The following RIC1 variants were observed in gnomAD, a reference collection of about 807,000 sequenced individuals.
RIC1 encodes the protein RIC1 partner of RAB6A GEF complex.
A neutral mutation model predicts 169.0 loss-of-function variants in RIC1; 88 were observed. The observed-to-expected ratio is 0.52, with a 90% CI of 0.44 to 0.62. The LOEUF is 0.62. Ranked by LOEUF, RIC1 falls within the 20% of genes least tolerant of loss-of-function variation. The pLI is 0.00. For synonymous variants in RIC1, 790 were observed against 601.5 expected, an observed-to-expected ratio of 1.31 and a Z score of -4.59; for missense variants, 1,877 against 1,725.5, an observed-to-expected ratio of 1.09 and a Z score of -1.56.
At chr9:5,646,595 G>A (rs1818526929) in intron 1 of RIC1, among the ~76,000 whole-genome samples, 1 of 152,148 alleles carries the variant, frequency 6.6e-6, no homozygotes, top group Admixed American at 6.5e-5. Context: ...GAGCAATAGG[G>A]TATACCTTAT....
intron 2 of RIC1, among the ~76,000 whole-genome samples, chr9:5,675,093 G>C (rs1320132329): frequency 5.9e-5 from 9 of 152,212 alleles, no homozygotes; most frequent in Non-Finnish European, 5.9e-5. Flanking sequence ...GAGGGGAAGG[G>C]GTTCTTATCC....
intron 1 of RIC1, among the ~76,000 whole-genome samples, chr9:5,632,402 C>T (rs1817760753): frequency 6.6e-6 from 1 of 152,214 alleles, no homozygotes; most frequent in Non-Finnish European, 1.5e-5. Context: ...CTTATACCTA[C>T]TGTCCTCTAT....
At position 5,774,201 on chromosome 9, in the gene RIC1, G is replaced by C. The variant is rs754997905; in HGVS notation, c.4227G>C (p.Glu1409Asp). The change falls in exon 26 of 26, where the codon GAG becomes GAC. Residue 1409 changes from glutamate (E) to aspartate (D), a missense_variant. Glu to Asp is a conservative substitution (Grantham distance 45, BLOSUM62 2). Transcript: ENST00000414202. ...RKEEDTAQAE[E>D]EEPFQDGTYD... is the part of the protein sequence containing the mutation. The stretch of plus-strand genomic sequence containing the variant: ...AGGAGGACACAGCCCAAGCAGAGGA[G>C]GAAGAACCTTTTCAGGATGGGACTT... 6.2e-6 allele frequency: 10 copies of C among 1,613,610 alleles called. No individual in the cohort carries two copies. The highest frequency in any genetic ancestry group is 1.6e-4 in the Middle Eastern group (1 of 6,076).
At chr9:5,769,835 T>TAATA (rs1205124924) in intron 22 of RIC1, among the ~76,000 whole-genome samples, 1 of 152,202 alleles carries the variant, frequency 6.6e-6, no homozygotes, top group African/African-American at 2.4e-5. Flanking sequence ...AAGATCAACA[T>TAATA]AATAAAGTTT....
At chr9:5,737,926 C>T (rs1256672496) in intron 7 of RIC1, among the ~76,000 whole-genome samples, 2 of 151,796 alleles carry the variant, frequency 1.3e-5, no homozygotes, top group East Asian at 1.9e-4. Context: ...TCATTGTCAC[C>T]GTGTTCATGT....
At chr9:5,669,716 C>A (rs2760413) in intron 2 of RIC1, among the ~76,000 whole-genome samples, 2 of 152,026 alleles carry the variant, frequency 1.3e-5, no homozygotes, top group African/African-American at 2.4e-5. Flanking sequence ...CTTGCAGTGG[C>A]AAAGAGAGAT....
chr9:5,670,188 G>A (rs2130558384), intron 2 of RIC1, among the ~76,000 whole-genome samples: 1 of 152,320 alleles, frequency 6.6e-6, no homozygotes, highest in South Asian at 2.1e-4. Flanking sequence ...CAGATGTCTT[G>A]TGGGAAAAAT....
At chr9:5,712,210 T>C (rs1291897171) in intron 3 of RIC1, among the ~76,000 whole-genome samples, 1 of 152,314 alleles carries the variant, frequency 6.6e-6, no homozygotes, top group Non-Finnish European at 1.5e-5. Flanking sequence ...AAAGTGTTCC[T>C]ATTTCTTCAC....
intron 17 of RIC1, among the ~76,000 whole-genome samples, chr9:5,758,213 T>G (rs1175213577): frequency 6.6e-6 from 1 of 152,164 alleles, no homozygotes; most frequent in Non-Finnish European, 1.5e-5. Flanking sequence ...TCCCGTAGTT[T>G]CTGGGTAAAG....
intron 2 of RIC1, among the ~76,000 whole-genome samples, chr9:5,661,972 A>T (rs1267113990): frequency 6.6e-6 from 1 of 152,142 alleles, no homozygotes; most frequent in Non-Finnish European, 1.5e-5. Flanking sequence ...TGGGTTTGTC[A>T]TATATGACTC....
chr9:5,633,478 C>T (rs755383562), intron 1 of RIC1, among the ~76,000 whole-genome samples: 18 of 152,172 alleles, frequency 1.2e-4, no homozygotes, highest in Non-Finnish European at 2.4e-4. Flanking sequence ...ATTATCTATC[C>T]TTTAACTGCT....
intron 1 of RIC1, among the ~76,000 whole-genome samples, chr9:5,639,929 T>G (rs1441435404): frequency 6.6e-6 from 1 of 152,242 alleles, no homozygotes; most frequent in African/African-American, 2.4e-5. Context: ...TAATATCTTT[T>G]TCATCCCCTT....
intron 1 of RIC1, among the ~76,000 whole-genome samples, chr9:5,639,871 G>C (rs1818155288): frequency 6.6e-6 from 1 of 152,014 alleles, no homozygotes; most frequent in South Asian, 2.1e-4. Flanking sequence ...AATCTATTTT[G>C]TCAGTATTTA....
intron 3 of RIC1, among the ~76,000 whole-genome samples, chr9:5,704,538 T>C (rs1335798018): frequency 6.6e-6 from 1 of 152,210 alleles, no homozygotes; most frequent in East Asian, 1.9e-4. Flanking sequence ...TTGGTTTGTT[T>C]ATCTTTGAGT....
At chr9:5,651,390 T>G (rs1818792675) in intron 1 of RIC1, among the ~76,000 whole-genome samples, 1 of 151,896 alleles carries the variant, frequency 6.6e-6, no homozygotes, top group African/African-American at 2.4e-5. Context: ...AGGGCTGATG[T>G]CTCTAGTCAG....
At chr9:5,635,113 G>A (rs972088381) in intron 1 of RIC1, among the ~76,000 whole-genome samples, 7 of 152,076 alleles carry the variant, frequency 4.6e-5, no homozygotes, top group Non-Finnish European at 1.0e-4. Context: ...TTAGCATCCT[G>A]AGTAGCTGGG....
intron 16 of RIC1, 95 bp from the exon 17 acceptor site, chr9:5,757,218 C>T: frequency 7.2e-7 from 1 of 1,394,342 alleles, no homozygotes; most frequent in Non-Finnish European, 1.0e-6. Flanking sequence ...CTGAGTCTTC[C>T]ATAAGCATGA....
intron 17 of RIC1, 66 bp downstream of exon 17, chr9:5,757,517 A>T: frequency 6.5e-7 from 1 of 1,547,290 alleles, no homozygotes; most frequent in Admixed American, 1.7e-5. Flanking sequence ...AGTCCATATT[A>T]GGAAGTATTT....
chr9:5,638,977 G>A (rs114984407), intron 1 of RIC1, among the ~76,000 whole-genome samples: 4 of 152,210 alleles, frequency 2.6e-5, no homozygotes, highest in African/African-American at 9.6e-5. Flanking sequence ...GTGCAGTGGT[G>A]CAATCTCGTC....
Sources: gnomAD v4.1 joint callset for allele counts (sites outside exome capture counted in the v4.1 genomes callset) on GRCh38, gnomAD v4.1.1 for gene constraint, MANE v1.5 for transcripts, NCBI Gene and HGNC (gene_info 2026-07-23, HGNC 2026-07-21) for gene names.